KCNH8: variants seen among roughly 807,000 people sequenced by gnomAD.
KCNH8 encodes potassium voltage-gated channel subfamily H member 8.
In KCNH8, 70 loss-of-function variants were observed where a neutral mutation model predicts 103.6. That is an observed-to-expected ratio of 0.68 (90% confidence interval 0.56 to 0.82). The LOEUF (loss-of-function observed/expected upper bound fraction) is 0.82, where lower values mean the gene tolerates loss of function less well. Among genes scored for constraint, KCNH8 ranks in the 40% least tolerant of loss-of-function variants. KCNH8 has a pLI of 0.00. For synonymous variants in KCNH8, 498 were observed against 489.4 expected (o/e 1.02, Z -0.23); for missense variants, 1,217 against 1,329.9 (o/e 0.92, Z 1.32).
intron 7 of KCNH8, among the ~76,000 whole-genome samples, chr3:19,405,720 C>T (rs555272176): frequency 1.9e-4 from 29 of 151,978 alleles, no homozygotes; most frequent in African/African-American, 6.7e-4. Flanking sequence ...GTTGGGAATA[C>T]TTTATCCTAA....
At chr3:19,170,689 T>C (rs1230027886) in intron 1 of KCNH8, among the ~76,000 whole-genome samples, 2 of 142,328 alleles carry the variant, frequency 1.4e-5, no homozygotes, top group African/African-American at 5.4e-5. Flanking sequence ...CACACATATA[T>C]ACACACATAT....
intron 7 of KCNH8, among the ~76,000 whole-genome samples, chr3:19,426,436 C>G (rs1307016205): frequency 6.6e-6 from 1 of 151,620 alleles, no homozygotes; most frequent in African/African-American, 2.4e-5. Flanking sequence ...TTTCTGTTGG[C>G]TTGTATGGTT....
In KCNH8 at chr3:19,347,893, G is replaced by A; in HGVS notation, c.739G>A (p.Gly247Ser). ...TGTACCTTACAACGTTTGCTTTATT[G>A]GCAATGACGACCTGTCCACAACTCG... ...VTVPYNVCFI[G>S]NDDLSTTRST... is the part of the protein sequence containing the mutation. Residue 247 changes from glycine (G) to serine (S), a missense_variant, in exon 5 of 16, where the codon GGC becomes AGC. By Grantham distance (56) the Gly-to-Ser change is moderately conservative. Coordinates refer to ENST00000328405, the MANE Select transcript of KCNH8 (RefSeq NM_144633.3). 6.2e-7 allele frequency: 1 copy of A among 1,613,266 alleles called. No homozygotes were observed. The highest frequency in any genetic ancestry group is 8.5e-7 in the Non-Finnish European group (1 of 1,179,478).
chr3:19,336,663 G>A (rs919759483), intron 3 of KCNH8, among the ~76,000 whole-genome samples: 2 of 151,608 alleles, frequency 1.3e-5, no homozygotes, highest in African/African-American at 4.8e-5. Context: ...CTGTGATTTT[G>A]GATTTTCAGA....
rs1008940657 is a variant in KCNH8, at chr3:19,245,578, A to G, written c.77-8076A>G. ...TGGACAGATACTGATTTTTCAATCC[A>G]TGAGCATGGACTGTTTTTACATTTA... On this transcript the variant is annotated intron_variant, in intron 1 of 15. Transcript: ENST00000328405. 3.3e-5 allele frequency among the ~76,000 whole-genome samples: 5 copies of G among 152,292 alleles called. No homozygotes were observed. The East Asian group carries it at 9.6e-4, about 29-fold the overall frequency.
intron 7 of KCNH8, among the ~76,000 whole-genome samples, chr3:19,423,409 T>C (rs1259493331): frequency 2.0e-5 from 3 of 152,116 alleles, no homozygotes; most frequent in African/African-American, 7.2e-5. Flanking sequence ...GCATACCTAT[T>C]GTGTAGTCTT....
intron 11 of KCNH8, among the ~76,000 whole-genome samples, chr3:19,501,216 G>C (rs530898330): frequency 5.3e-5 from 8 of 151,206 alleles, no homozygotes; most frequent in East Asian, 1.9e-4. Flanking sequence ...ACTCTCCCAA[G>C]ACTAAACCAG....
At chr3:19,512,118 G>A (rs1321153444) in intron 12 of KCNH8, among the ~76,000 whole-genome samples, 3 of 152,220 alleles carry the variant, frequency 2.0e-5, no homozygotes, top group Non-Finnish European at 2.9e-5. Flanking sequence ...AAAGTGAGCA[G>A]AGAAGCCATG....
chr3:19,507,963 G>A (rs1340724723), intron 11 of KCNH8, among the ~76,000 whole-genome samples: 2 of 152,162 alleles, frequency 1.3e-5, no homozygotes, highest in East Asian at 1.9e-4. Context: ...TTATTATCAT[G>A]AAGGGAAGTT....
intron 10 of KCNH8, 124 bp from the exon 11 acceptor site, chr3:19,456,644 C>T: frequency 1.5e-6 from 1 of 653,926 alleles, no homozygotes; most frequent in East Asian, 2.7e-5. Context: ...AGCCCTGCCC[C>T]AAGGTAAACA....
intron 15 of KCNH8, among the ~76,000 whole-genome samples, chr3:19,527,397 C>A (rs2069083891): frequency 6.6e-6 from 1 of 152,066 alleles, no homozygotes; most frequent in Non-Finnish European, 1.5e-5. Context: ...GCCTGTGTCA[C>A]AAATCCACTA....
chr3:19,504,033 G>A (rs1034059811), intron 11 of KCNH8, among the ~76,000 whole-genome samples: 3 of 151,950 alleles, frequency 2.0e-5, no homozygotes, highest in Non-Finnish European at 4.4e-5. Context: ...CCAGAAATAA[G>A]GCCACACATC....
At chr3:19,180,519 AT>A (rs987760729) in intron 1 of KCNH8, among the ~76,000 whole-genome samples, 49 of 152,336 alleles carry the variant, frequency 3.2e-4, no homozygotes, top group Admixed American at 2.5e-3. Context: ...AGAATAAGCC[AT>A]TAGCAGTTTC....
chr3:19,394,980 AT>A, intron 6 of KCNH8, 123 bp from the exon 7 acceptor site: 1 of 711,928 alleles, frequency 1.4e-6, no homozygotes, highest in East Asian at 2.7e-5. Context: ...CAAAGAATTC[AT>A]AAAAATAATA....
At chr3:19,306,725 C>A (rs1251724989) in intron 3 of KCNH8, among the ~76,000 whole-genome samples, 1 of 152,026 alleles carries the variant, frequency 6.6e-6, no homozygotes, top group African/African-American at 2.4e-5. Flanking sequence ...ATCTTCCTTG[C>A]CAATAAAATG....
At chr3:19,169,255 CTTTTTTTTTTTTT>C (rs768036667) in intron 1 of KCNH8, among the ~76,000 whole-genome samples, 2 of 124,964 alleles carry the variant, frequency 1.6e-5, no homozygotes, top group Non-Finnish European at 3.3e-5. Context: ...TTCTTTCTTT[CTTTTTTTTTTTTT>C]TTTTTTTTGA....
intron 11 of KCNH8, among the ~76,000 whole-genome samples, chr3:19,480,087 C>T (rs2068057122): frequency 6.6e-6 from 1 of 152,186 alleles, no homozygotes. Flanking sequence ...CAGACTCAAA[C>T]ACGGGCTTGT....
At chr3:19,464,524 A>G (rs1343999622) in intron 11 of KCNH8, among the ~76,000 whole-genome samples, 3 of 152,176 alleles carry the variant, frequency 2.0e-5, no homozygotes, top group Admixed American at 6.5e-5. Context: ...AATAAAGGAA[A>G]GAGAAATTTA....
At chr3:19,221,748 T>C (rs939878187) in intron 1 of KCNH8, among the ~76,000 whole-genome samples, 2 of 152,210 alleles carry the variant, frequency 1.3e-5, no homozygotes, top group Non-Finnish European at 2.9e-5. Flanking sequence ...TTATTAGTAA[T>C]TTCACTGCTC....
Sources: gnomAD v4.1 joint callset for allele counts (sites outside exome capture counted in the v4.1 genomes callset) on GRCh38, gnomAD v4.1.1 for gene constraint, MANE v1.5 for transcripts, NCBI Gene and HGNC (gene_info 2026-07-23, HGNC 2026-07-21) for gene names.